Variants in TUBA8 observed in about 807,000 individuals in gnomAD.
TUBA8 encodes tubulin alpha 8, also known as tubulin alpha-8 chain.
A neutral mutation model predicts 34.7 loss-of-function variants in TUBA8; 29 were observed. The observed-to-expected ratio is 0.84, with a 90% CI of 0.62 to 1.14. The LOEUF is 1.14. Ranked by LOEUF, TUBA8 falls within the 50% of genes most tolerant of loss-of-function variation. TUBA8 has a pLI of 0.00. For missense variants in TUBA8, 541 were observed against 599.2 expected, an observed-to-expected ratio of 0.90 and a Z score of 1.01; for synonymous variants, 226 against 231.2, an observed-to-expected ratio of 0.98 and a Z score of 0.21.
In TUBA8 at chr22:18,131,318, C is replaced by G. The variant is rs888818272; in HGVS notation, c.*182C>G. 2 of 637,090 alleles carry G rather than the reference C, an allele frequency of 3.1e-6. No homozygotes were observed. Among genetic ancestry groups the G allele is most frequent in the South Asian group, 1.9e-5 (1 of 52,992 alleles). 39.5% of individuals were successfully genotyped at this position (637,090 alleles called of 1,614,324 possible). Reference sequence around the variant, plus strand: ...TAAGTGGACACTGAGCTTCATCAGGCCCTCCCTGGGTAGGAGCAGCTTTGT... The same window carrying G: ...TAAGTGGACACTGAGCTTCATCAGGGCCTCCCTGGGTAGGAGCAGCTTTGT... On this transcript the variant is annotated 3_prime_UTR_variant, in exon 5 of 5. Coordinates refer to ENST00000330423, the MANE Select transcript of TUBA8 (RefSeq NM_018943.3). This position sits in a 1 kb window ranked among gnomAD's most constrained non-coding sequence, Gnocchi z 5.3.
intron 1 of TUBA8, chr22:18,112,586 T>G (rs9617661): frequency 0.26 from 39,663 of 152,154 alleles, 6,311 homozygotes; most frequent in African/African-American, 0.44. Flanking sequence ...CTTGAATGTG[T>G]GATCCACAGA....
chr22:18,127,214 T>C, intron 4 of TUBA8, 180 bp downstream of exon 4: 1 of 659,714 alleles, frequency 1.5e-6, no homozygotes, highest in East Asian at 2.7e-5. Context: ...GTCAAAGTTT[T>C]GTCTGTTTAG....
intron 1 of TUBA8, chr22:18,112,081 G>A (rs1207103997): frequency 3.3e-5 from 5 of 152,152 alleles, no homozygotes; most frequent in African/African-American, 1.2e-4. Flanking sequence ...AAAGGGCCCG[G>A]AGCTGCCAGT....
intron 4 of TUBA8, chr22:18,128,237 C>A (rs1016511049): frequency 6.6e-6 from 1 of 152,094 alleles, no homozygotes; most frequent in Non-Finnish European, 1.5e-5. Context: ...TTGCCATTAA[C>A]CAGGAGTAAG....
intron 4 of TUBA8, chr22:18,127,447 G>A (rs1928365476): frequency 1.1e-5 from 2 of 180,374 alleles, no homozygotes; most frequent in African/African-American, 2.5e-5. Context: ...AGGCTGGAGT[G>A]CAGTGGCACC....
rs771333950 is a variant in TUBA8 at position 18,126,350 on chromosome 22, C to T, written c.376-4C>T. ...GATTTCTTCTCATGTCCTGCTCTCC[C>T]TAGACAGATGCTTGCTCTGGCCTGC... On this transcript the variant is annotated splice_polypyrimidine_tract_variant and splice_region_variant and intron_variant, in intron 3 of 4. Transcript: ENST00000330423. This position sits in a 1 kb window ranked among gnomAD's most constrained non-coding sequence, Gnocchi z 4.0. 5 of 1,614,112 alleles carry T rather than the reference C, an allele frequency of 3.1e-6. No individual in the cohort carries two copies. The highest frequency in any genetic ancestry group is 3.4e-6 in the Non-Finnish European group (4 of 1,179,986).
intron 2 of TUBA8, chr22:18,122,021 C>T: frequency 3.1e-6 from 1 of 321,588 alleles, no homozygotes; most frequent in Non-Finnish European, 5.9e-6. Context: ...ATAAGACACC[C>T]CTAAGTGAGC....
chr22:18,121,815 G>C lies in TUBA8; in HGVS notation c.226+114G>C. 4.0e-6 allele frequency: 4 copies of C among 1,001,770 alleles called. No homozygotes were observed. The highest frequency in any genetic ancestry group is 4.5e-6 in the Non-Finnish European group (3 of 666,058). The allele number at this position is 1,001,770 out of a possible 1,614,324, so 62.1% of individuals were successfully genotyped here. ...GCTGGAAGGTGGGGATGGTGCAACCGCAGCCTCCCACCCCACGTGACATCT... is the reference window on the plus strand; with the variant it reads ...GCTGGAAGGTGGGGATGGTGCAACCCCAGCCTCCCACCCCACGTGACATCT... On this transcript the variant is annotated intron_variant, in intron 2 of 4. Coordinates refer to ENST00000330423, the MANE Select transcript of TUBA8 (RefSeq NM_018943.3). The surrounding 1 kb of genome is among the most constrained non-coding windows in gnomAD (Gnocchi z 4.8).
At chr22:18,125,829 T>G (rs1435619229) in intron 3 of TUBA8, 3 of 162,816 alleles carry the variant, frequency 1.8e-5, no homozygotes, top group Non-Finnish European at 2.7e-5. Context: ...GAAACCTTCA[T>G]GTACCTAGAG....
At chr22:18,123,920 C>T (rs1928236009) in intron 2 of TUBA8, 1 of 556,484 alleles carries the variant, frequency 1.8e-6, no homozygotes, top group Non-Finnish European at 3.2e-6. Flanking sequence ...GGGTTCTAGC[C>T]AGCAGGGCAG....
At position 18,110,838 on chromosome 22, in the gene TUBA8, A is replaced by C; in HGVS notation, c.-28A>C. On this transcript the variant is annotated 5_prime_UTR_variant, in exon 1 of 5. Coordinates refer to ENST00000330423, the MANE Select transcript of TUBA8 (RefSeq NM_018943.3). This position sits in a 1 kb window ranked among gnomAD's most constrained non-coding sequence, Gnocchi z 6.2. ...GTCGGGGCGGGCAGGCCCAGCTGAG[A>C]GGTGCGCGGGCGAGGACAGCGGCAG... 1 of 1,541,510 alleles carries C rather than the reference A, an allele frequency of 6.5e-7. No homozygotes were observed. The highest frequency in any genetic ancestry group is 8.7e-7 in the Non-Finnish European group (1 of 1,149,518).
intron 1 of TUBA8, chr22:18,114,526 A>G (rs1312610301): frequency 6.6e-6 from 1 of 152,200 alleles, no homozygotes; most frequent in Non-Finnish European, 1.5e-5. Context: ...AAGAGTTCTG[A>G]GCAGAGAGAA....
chr22:18,126,634 T>C lies in TUBA8; in HGVS notation c.656T>C (p.Ile219Thr), dbSNP rs750537015. The change falls in exon 4 of 5, where the codon ATT becomes ACT. Residue 219 changes from isoleucine to threonine, a missense_variant. Coordinates refer to ENST00000330423, the MANE Select transcript of TUBA8 (RefSeq NM_018943.3). This position sits in a 1 kb window ranked among gnomAD's most constrained non-coding sequence, Gnocchi z 4.0. ...GACATCTGCCGCAGGAACCTTGACA[T>C]TGAGCGCCCTACCTATACCAACCTC... Reference protein sequence around the residue: ...IYDICRRNLDIERPTYTNLNR... With the variant: ...IYDICRRNLDTERPTYTNLNR... 8.7e-6 allele frequency: 14 copies of C among 1,614,010 alleles called. No individual in the cohort carries two copies. The highest frequency in any genetic ancestry group is 2.2e-5 in the East Asian group (1 of 44,896).
At position 18,121,552 on chromosome 22, in the gene TUBA8, T is replaced by A; in HGVS notation, c.77T>A (p.Leu26Gln). 1 of 1,614,210 alleles carries A rather than the reference T, an allele frequency of 6.2e-7. No individual in the cohort carries two copies. The highest frequency in any genetic ancestry group is 8.5e-7 in the Non-Finnish European group (1 of 1,180,040). Reference sequence around the variant, plus strand: ...AATGCCTGCTGGGAGCTCTTCTGCCTGGAACACGGCATCCAGGCAGACGGC... The same window carrying A: ...AATGCCTGCTGGGAGCTCTTCTGCCAGGAACACGGCATCCAGGCAGACGGC... The part of the protein sequence containing the change: ...IGNACWELFC[L>Q]EHGIQADGTF... The change falls in exon 2 of 5, where the codon CTG becomes CAG. Residue 26 changes from leucine (L) to glutamine (Q), a missense_variant. By Grantham distance (113) the Leu-to-Gln change is moderately radical. Coordinates refer to ENST00000330423, the MANE Select transcript of TUBA8 (RefSeq NM_018943.3). This position sits in a 1 kb window ranked among gnomAD's most constrained non-coding sequence, Gnocchi z 4.8.
intron 4 of TUBA8, 178 bp downstream of exon 4, chr22:18,127,212 T>C: frequency 1.5e-6 from 1 of 662,220 alleles, no homozygotes; most frequent in South Asian, 2.0e-5. Context: ...CTGTCAAAGT[T>C]TTGTCTGTTT....
intron 1 of TUBA8, chr22:18,114,300 C>T (rs1184482528): frequency 1.3e-5 from 2 of 152,382 alleles, no homozygotes; most frequent in African/African-American, 2.4e-5. Flanking sequence ...CGCCCTCCGG[C>T]CTCTTATGCT....
Position 18,124,454 on chromosome 22 carries a change from A to C in TUBA8, c.375+150A>C. 1 of 932,314 alleles carries C rather than the reference A, an allele frequency of 1.1e-6. No homozygotes were observed. Among genetic ancestry groups the C allele is most frequent in the Non-Finnish European group, 1.6e-6 (1 of 637,798 alleles). The allele number at this position is 932,314 out of a possible 1,614,324, so 57.8% of individuals were successfully genotyped here. ...TGGGAATTTCTGCTTAAATTCTGTA[A>C]GAAGCATGCACAGGGGTGATGCCCC... On this transcript the variant is annotated intron_variant, in intron 3 of 4. Transcript: ENST00000330423. The surrounding 1 kb of genome is among the most constrained non-coding windows in gnomAD (Gnocchi z 4.3).
chr22:18,126,519 G>C lies in TUBA8; in HGVS notation c.541G>C (p.Val181Leu). 1 of 1,614,166 alleles carries C rather than the reference G, an allele frequency of 6.2e-7. No homozygotes were observed. The highest frequency in any genetic ancestry group is 8.5e-7 in the Non-Finnish European group (1 of 1,180,030). ...CCCAGCCCCCCAGGTCTCTACTGCA[G>C]TGGTGGAGCCCTACAACTCCATCCT... Reference protein sequence around the residue: ...IYPAPQVSTAVVEPYNSILTT... With the variant: ...IYPAPQVSTALVEPYNSILTT... The change falls in exon 4 of 5, where the codon GTG becomes CTG. Residue 181 changes from valine to leucine, a missense_variant. Val to Leu is a conservative substitution (Grantham distance 32). Coordinates refer to ENST00000330423, the MANE Select transcript of TUBA8 (RefSeq NM_018943.3). The surrounding 1 kb of genome is among the most constrained non-coding windows in gnomAD (Gnocchi z 4.0).
In TUBA8 at chr22:18,110,951, C is replaced by T. The variant is rs1036434943; in HGVS notation, c.3+83C>T. On this transcript the variant is annotated intron_variant, in intron 1 of 4. Coordinates refer to ENST00000330423, the MANE Select transcript of TUBA8 (RefSeq NM_018943.3). The surrounding 1 kb of genome is among the most constrained non-coding windows in gnomAD (Gnocchi z 6.2). ...CCGAGTCTACGCGGAGGCGCACGGA[C>T]CCGTCTTCCTGGAGCCGCAGGGCTC... 6.5e-6 allele frequency: 10 copies of T among 1,530,640 alleles called. No individual in the cohort carries two copies. The highest frequency in any genetic ancestry group is 8.7e-6 in the Non-Finnish European group (10 of 1,143,872). The allele number at this position is 1,530,640 out of a possible 1,614,324, so 94.8% of individuals were successfully genotyped here.
Sources: allele counts gnomAD v4.1 joint callset, GRCh38; gene constraint gnomAD v4.1.1; non-coding constraint Gnocchi (gnomAD v3.1); transcripts MANE v1.5; gene names NCBI Gene and HGNC (gene_info 2026-07-23, HGNC 2026-07-21).